The following VIT variants were observed in gnomAD, a reference collection of about 807,000 sequenced individuals.
The protein encoded by VIT is vitrin.
A neutral mutation model predicts 78.0 loss-of-function variants in VIT; 99 were observed. The observed-to-expected ratio is 1.27, with a 90% CI of 1.08 to 1.50. The LOEUF (loss-of-function observed/expected upper bound fraction) is 1.50, where lower values mean the gene tolerates loss of function less well. Among genes scored for constraint, VIT ranks in the 40% most tolerant of loss-of-function variants. The pLI, the probability that VIT is intolerant of heterozygous loss-of-function variation, is 0.00. For missense variants in VIT, 1,126 were observed against 875.3 expected, an observed-to-expected ratio of 1.29 and a Z score of -3.61; for synonymous variants, 374 against 334.3, an observed-to-expected ratio of 1.12 and a Z score of -1.29.
chr2:36,733,441 C>T (rs548482288), intron 3 of VIT, among the ~76,000 whole-genome samples: 1 of 152,270 alleles, frequency 6.6e-6, no homozygotes, highest in African/African-American at 2.4e-5. Context: ...GGCAGGGGTC[C>T]ACCCTATAAA....
At chr2:36,730,706 T>A (rs1667148559) in intron 3 of VIT, among the ~76,000 whole-genome samples, 1 of 152,154 alleles carries the variant, frequency 6.6e-6, no homozygotes, top group South Asian at 2.1e-4. Flanking sequence ...CCAAGAAGAA[T>A]GAGGATAAGC....
chr2:36,776,194 T>C (rs1382616426), intron 9 of VIT, among the ~76,000 whole-genome samples: 1 of 152,204 alleles, frequency 6.6e-6, no homozygotes, highest in East Asian at 1.9e-4. Flanking sequence ...CAGCTCCTCA[T>C]TACTAATTTG....
chr2:36,771,550 GAA>G (rs34430618), intron 7 of VIT, among the ~76,000 whole-genome samples: 1 of 132,132 alleles, frequency 7.6e-6, no homozygotes, highest in Non-Finnish European at 1.6e-5. Context: ...AAAAGAAAAA[GAA>G]AAAAAAAAAA....
chr2:36,797,164 T>C (rs1459587657), intron 12 of VIT, among the ~76,000 whole-genome samples: 2 of 152,002 alleles, frequency 1.3e-5, no homozygotes, highest in African/African-American at 4.8e-5. Flanking sequence ...GATCCAGACT[T>C]TAAGGACTCT....
At chr2:36,776,174 T>G (rs1670034591) in intron 9 of VIT, among the ~76,000 whole-genome samples, 1 of 152,220 alleles carries the variant, frequency 6.6e-6, no homozygotes, top group Admixed American at 6.5e-5. Flanking sequence ...GACGTAACTA[T>G]CCAGAACTTC....
intron 11 of VIT, among the ~76,000 whole-genome samples, chr2:36,783,652 C>T (rs183161442): frequency 1.1e-3 from 162 of 152,074 alleles, no homozygotes; most frequent in African/African-American, 3.7e-3. Context: ...TGGGATGGAA[C>T]GGAAAGACAA....
At chr2:36,768,124 T>C (rs1329511164) in intron 7 of VIT, among the ~76,000 whole-genome samples, 1 of 152,094 alleles carries the variant, frequency 6.6e-6, no homozygotes, top group African/African-American at 2.4e-5. Context: ...TACCTATCCA[T>C]CTTCTTATTT....
Position 36,808,505 on chromosome 2 carries a change from C to T in VIT, c.1423C>T (p.His475Tyr), listed in dbSNP as rs372653959. ...CAGAACAAACGGCTTCTACTCGCTC[C>T]ACGTGCAGAGCTGGTTTGGCCTCCA... Reference protein sequence around the residue: ...VCRTNGFYSLHVQSWFGLHKT... With the variant: ...VCRTNGFYSLYVQSWFGLHKT... Residue 475 changes from histidine (H) to tyrosine (Y), a missense_variant, in exon 15 of 16, where the codon CAC becomes TAC. Coordinates refer to ENST00000379242, the MANE Select transcript of VIT (RefSeq NM_053276.4). 7.4e-6 allele frequency: 12 copies of T among 1,612,310 alleles called. No individual in the cohort carries two copies. Among genetic ancestry groups the T allele is most frequent in the Non-Finnish European group, 1.0e-5 (12 of 1,178,788 alleles).
intron 3 of VIT, among the ~76,000 whole-genome samples, chr2:36,735,150 G>T (rs561273250): frequency 6.6e-6 from 1 of 152,140 alleles, no homozygotes; most frequent in South Asian, 2.1e-4. Context: ...AACAGAGCGA[G>T]ACTCTGTCTC....
chr2:36,805,370 G>T (rs1019351559), intron 13 of VIT, 68 bp from the exon 14 acceptor site: 114 of 1,482,512 alleles, frequency 7.7e-5, no homozygotes, highest in Non-Finnish European at 9.2e-5. Flanking sequence ...TCTTTGTGCT[G>T]CTGTGATCTC....
chr2:36,730,884 T>C (rs1206421245), intron 3 of VIT, among the ~76,000 whole-genome samples: 1 of 152,134 alleles, frequency 6.6e-6, no homozygotes. Context: ...TACGTGCTGA[T>C]TGGTTTGCGA....
At chr2:36,795,523 C>G (rs965224610) in intron 12 of VIT, among the ~76,000 whole-genome samples, 1 of 152,000 alleles carries the variant, frequency 6.6e-6, no homozygotes, top group African/African-American at 2.4e-5. Flanking sequence ...AGCGATTCTC[C>G]TGTCTCAGCC....
At chr2:36,746,754 T>G (rs1265461884) in intron 4 of VIT, among the ~76,000 whole-genome samples, 2 of 152,110 alleles carry the variant, frequency 1.3e-5, no homozygotes, top group Non-Finnish European at 2.9e-5. Flanking sequence ...AAACAAACTT[T>G]TGGTTTCATT....
rs1000112168 is a variant in VIT, at chr2:36,814,405, G to A, written c.*44G>A. On this transcript the variant is annotated 3_prime_UTR_variant, in exon 16 of 16. Transcript: ENST00000379242. ...ACCAGCAAGTGCTGCTTTACTAACT[G>A]ACGTGTTGGACCACCCCACCGCTTA... 1.1e-5 allele frequency: 18 copies of A among 1,605,088 alleles called. No homozygotes were observed. The African/African-American group carries it at 2.1e-4, about 19-fold the overall frequency.
intron 9 of VIT, among the ~76,000 whole-genome samples, chr2:36,777,340 C>T (rs1670136364): frequency 6.6e-6 from 1 of 151,754 alleles, no homozygotes; most frequent in Admixed American, 6.6e-5. Context: ...TGAAGCTAGA[C>T]TTCATGTCTT....
rs181727204 is a variant in VIT, at chr2:36,800,095, C to G, written c.1059-1206C>G. On this transcript the variant is annotated intron_variant, in intron 12 of 15. Transcript: ENST00000379242. Reference sequence around the variant, plus strand: ...GGCACGGTGGCTCACGCCTGTAATCCTAGCACTCTGGGAGGCCAAGGCAGG... The same window carrying G: ...GGCACGGTGGCTCACGCCTGTAATCGTAGCACTCTGGGAGGCCAAGGCAGG... 6.0e-3 allele frequency among the ~76,000 whole-genome samples: 914 copies of G among 151,750 alleles called. 5 individuals are homozygous for G. Among genetic ancestry groups the G allele is most frequent in the Middle Eastern group, 0.017 (5 of 292 alleles).
At chr2:36,771,515 G>C (rs887201292) in intron 7 of VIT, among the ~76,000 whole-genome samples, 6 of 130,978 alleles carry the variant, frequency 4.6e-5, no homozygotes, top group Admixed American at 8.5e-5. Context: ...AATAGAGTGA[G>C]ACTTCATCTC....
chr2:36,798,871 C>T (rs1393095756), intron 12 of VIT, among the ~76,000 whole-genome samples: 1 of 152,140 alleles, frequency 6.6e-6, no homozygotes, highest in African/African-American at 2.4e-5. Flanking sequence ...ACTCCTCCTC[C>T]CTGAATTTGT....
At position 36,728,599 on chromosome 2, in the gene VIT, G is replaced by A. The variant is rs1666999102; in HGVS notation, c.53-827G>A. ...GAGGCCGAGGCGGGCGGATCACGAG[G>A]TCAGGAGATCGAGACCATCCCGGCT... On this transcript the variant is annotated intron_variant, in intron 2 of 15. Transcript: ENST00000379242. Among the ~76,000 whole-genome samples the A allele has an allele frequency of 6.6e-5, 2 of 30,464 alleles. 1 individual carries two copies. The highest frequency in any genetic ancestry group is 1.5e-4 in the African/African-American group (2 of 13,704). 20.0% of individuals were successfully genotyped at this position (30,464 alleles called of 152,430 possible). A position where few individuals can be genotyped will look rare whatever the true frequency, so the allele number is the denominator to read the frequency against.
Sources: gnomAD v4.1 joint callset for allele counts (sites outside exome capture counted in the v4.1 genomes callset) on GRCh38, gnomAD v4.1.1 for gene constraint, MANE v1.5 for transcripts, NCBI Gene and HGNC (gene_info 2026-07-23, HGNC 2026-07-21) for gene names.